Variants in STYXL2 observed in about 807,000 individuals in gnomAD.
STYXL2 encodes the protein serine/threonine/tyrosine interacting like 2, also known as serine/threonine/tyrosine-interacting-like protein 2.
A neutral mutation model predicts 52.4 loss-of-function variants in STYXL2; 44 were observed. The ratio of observed to expected loss-of-function variants is 0.84; its 90% CI spans 0.66 to 1.08. The LOEUF is 1.08. STYXL2 is among the 50% of genes least tolerant of loss of function. STYXL2 has a pLI of 0.00. For missense variants in STYXL2, 1,604 were observed against 1,471.7 expected (o/e 1.09, Z -1.47); for synonymous variants, 604 against 586.9 (o/e 1.03, Z -0.42).
Position 167,105,951 on chromosome 1 carries a change from T to C in STYXL2, c.111-7759T>C, listed in dbSNP as rs1042472100. Among the ~76,000 whole-genome samples the C allele has an allele frequency of 2.0e-5, 3 of 152,194 alleles. No individual in the cohort carries two copies. The East Asian group carries it at 5.8e-4, about 29-fold the overall frequency. On this transcript the variant is annotated intron_variant, in intron 2 of 5. Transcript: ENST00000361200. The stretch of plus-strand genomic sequence containing the variant: ...CAAAGCTGCCAGCTTCTCAAGAGTA[T>C]ACCGGGTAGGCTCTTCACGTATGAT...
chr1:167,108,548 T>C (rs574206381), intron 2 of STYXL2, among the ~76,000 whole-genome samples: 1 of 150,788 alleles, frequency 6.6e-6, no homozygotes, highest in African/African-American at 2.5e-5. Flanking sequence ...AACTCTATTA[T>C]CTTCACCAAA....
intron 5 of STYXL2, among the ~76,000 whole-genome samples, chr1:167,121,391 AGT>A (rs2102243528): frequency 6.6e-6 from 1 of 152,270 alleles, no homozygotes; most frequent in East Asian, 1.9e-4. Flanking sequence ...CGGCGTAAGG[AGT>A]GTGTCCCACC....
At position 167,117,621 on chromosome 1, in the gene STYXL2, C is replaced by T. The variant is rs141168445; in HGVS notation, c.437+62C>T. ...CCCTCTGGTTAGTGCCTGAGACAGA[C>T]GAAACTCCCCCAACTTTCACCAAAG... is the stretch of plus-strand genomic sequence containing the variant. On this transcript the variant is annotated intron_variant, in intron 4 of 5. Transcript: ENST00000361200. 32 of 1,447,114 alleles carry T rather than the reference C, an allele frequency of 2.2e-5. No homozygotes were observed. In the East Asian group the frequency reaches 4.5e-4, roughly 20 times the overall value. 89.6% of individuals were successfully genotyped at this position (1,447,114 alleles called of 1,614,324 possible).
chr1:167,115,831 T>G (rs1427261043), intron 3 of STYXL2, among the ~76,000 whole-genome samples: 3 of 152,156 alleles, frequency 2.0e-5, no homozygotes, highest in African/African-American at 7.2e-5. Flanking sequence ...TGAGCCCTGA[T>G]GCAGGGATGT....
At chr1:167,096,524 G>A (rs1252945737) in intron 2 of STYXL2, among the ~76,000 whole-genome samples, 1 of 152,126 alleles carries the variant, frequency 6.6e-6, no homozygotes, top group Non-Finnish European at 1.5e-5. Flanking sequence ...CTGTCTTGAA[G>A]GTTCACCACT....
At chr1:167,098,621 A>G (rs1028973109) in intron 2 of STYXL2, among the ~76,000 whole-genome samples, 5 of 152,208 alleles carry the variant, frequency 3.3e-5, no homozygotes, top group Non-Finnish European at 7.3e-5. Flanking sequence ...TGGATGAGGC[A>G]CAGTGGGGTT....
intron 2 of STYXL2, among the ~76,000 whole-genome samples, chr1:167,110,196 A>G (rs4656522): frequency 0.35 from 52,831 of 152,034 alleles, 10,764 homozygotes; most frequent in East Asian, 0.73. Context: ...TCAAGAGAAC[A>G]CCACATGAGA....
intron 2 of STYXL2, 33 bp downstream of exon 2, chr1:167,094,992 C>A: frequency 6.6e-7 from 1 of 1,520,248 alleles, no homozygotes; most frequent in Non-Finnish European, 9.0e-7. Context: ...CCCTCACAGC[C>A]CCAGCTGGGA....
intron 2 of STYXL2, 47 bp downstream of exon 2, chr1:167,095,006 G>A (rs761541202): frequency 4.1e-5 from 60 of 1,461,736 alleles, no homozygotes; most frequent in South Asian, 3.6e-5. Flanking sequence ...GCTGGGAGGG[G>A]CTGGGGACAG....
intron 5 of STYXL2, among the ~76,000 whole-genome samples, chr1:167,121,739 T>C (rs1195892265): frequency 1.3e-5 from 2 of 152,200 alleles, no homozygotes; most frequent in African/African-American, 4.8e-5. Flanking sequence ...AGCCAGCGCG[T>C]CAGCTACCCC....
chr1:167,104,992 A>T (rs1392612296), intron 2 of STYXL2, among the ~76,000 whole-genome samples: 3 of 152,242 alleles, frequency 2.0e-5, no homozygotes, highest in Non-Finnish European at 2.9e-5. Context: ...TGCCATTTGC[A>T]TCTCAACTCA....
intron 2 of STYXL2, among the ~76,000 whole-genome samples, chr1:167,106,659 C>T (rs1228020113): frequency 1.3e-5 from 2 of 151,988 alleles, no homozygotes; most frequent in Non-Finnish European, 2.9e-5. Flanking sequence ...AAATCTGGGG[C>T]TTTGATTCTA....
chr1:167,111,122 C>T (rs1477651526), intron 2 of STYXL2, among the ~76,000 whole-genome samples: 2 of 151,940 alleles, frequency 1.3e-5, no homozygotes, highest in Non-Finnish European at 2.9e-5. Flanking sequence ...AATGACCAAA[C>T]CTGAGAATAA....
At position 167,119,338 on chromosome 1, in the gene STYXL2, C is replaced by A; in HGVS notation, c.527C>A (p.Pro176His). 2 of 1,614,126 alleles carry A rather than the reference C, an allele frequency of 1.2e-6. No individual in the cohort carries two copies. The highest frequency in any genetic ancestry group is 2.2e-5 in the South Asian group (2 of 91,082). ...CATGGCACCGGCGTTTACACTGGCC[C>A]CGAATTCTACACTGGCCTGGAGATC... is the stretch of plus-strand genomic sequence containing the variant. ...AAHGTGVYTGPEFYTGLEIQY... is the reference protein window; with the variant it reads ...AAHGTGVYTGHEFYTGLEIQY... Residue 176 changes from proline to histidine, a missense_variant, in exon 5 of 6, where the codon CCC (proline) becomes CAC (histidine). Transcript: ENST00000361200.
intron 3 of STYXL2, among the ~76,000 whole-genome samples, chr1:167,114,332 C>G (rs1352069418): frequency 6.6e-6 from 1 of 152,214 alleles, no homozygotes; most frequent in Non-Finnish European, 1.5e-5. Flanking sequence ...CTCAAAGATA[C>G]TTATCTGGAT....
chr1:167,120,975 TAC>T (rs1023141697), intron 5 of STYXL2, among the ~76,000 whole-genome samples: 4 of 150,618 alleles, frequency 2.7e-5, no homozygotes, highest in African/African-American at 7.3e-5. Flanking sequence ...CACATATATA[TAC>T]AGTTTTCAGT....
chr1:167,097,670 C>T (rs988803199), intron 2 of STYXL2, among the ~76,000 whole-genome samples: 14 of 150,480 alleles, frequency 9.3e-5, no homozygotes, highest in African/African-American at 3.4e-4. Context: ...GAACAACTGT[C>T]TCCACAAGAA....
chr1:167,108,679 C>T (rs1571336370), intron 2 of STYXL2, among the ~76,000 whole-genome samples: 1 of 152,148 alleles, frequency 6.6e-6, no homozygotes, highest in African/African-American at 2.4e-5. Context: ...GACTAACTTG[C>T]AGCTCCCACT....
At chr1:167,108,678 G>T (rs931239335) in intron 2 of STYXL2, among the ~76,000 whole-genome samples, 3 of 152,182 alleles carry the variant, frequency 2.0e-5, no homozygotes, top group Admixed American at 2.0e-4. Flanking sequence ...GGACTAACTT[G>T]CAGCTCCCAC....
Sources: gnomAD v4.1 joint callset for allele counts (sites outside exome capture counted in the v4.1 genomes callset) on GRCh38, gnomAD v4.1.1 for gene constraint, MANE v1.5 for transcripts, NCBI Gene and HGNC (gene_info 2026-07-23, HGNC 2026-07-21) for gene names.